The following MED16 variants were observed in gnomAD, a reference collection of about 807,000 sequenced individuals.
MED16 encodes the protein mediator complex subunit 16, also known as mediator of RNA polymerase II transcription subunit 16.
A neutral mutation model predicts 84.4 loss-of-function variants in MED16; 81 were observed. The ratio of observed to expected loss-of-function variants is 0.96; its 90% confidence interval spans 0.80 to 1.15. MED16 has a LOEUF of 1.15. Among genes scored for constraint, MED16 ranks in the 50% most tolerant of loss-of-function variants. The pLI is 0.00. For synonymous variants in MED16, 897 were observed against 552.2 expected (o/e 1.62, Z -8.76); for missense variants, 1,585 against 1,245.9 (o/e 1.27, Z -4.10).
chr19:872,725 T>C (rs112509997), intron 11 of MED16, among the ~76,000 whole-genome samples: 129 of 150,870 alleles, frequency 8.6e-4, no homozygotes, highest in African/African-American at 3.0e-3. Context: ...GAGGTGTGGA[T>C]GGAGACTTGA....
chr19:880,178 G>C (rs529137163), intron 7 of MED16, 30 bp from the exon 8 acceptor site: 1 of 1,588,202 alleles, frequency 6.3e-7, no homozygotes, highest in Admixed American at 1.8e-5. Context: ...CTTAGACATG[G>C]GCAGGGCCCA....
At chr19:871,646 T>C (rs372151569) in intron 12 of MED16, 21 of 1,588,664 alleles carry the variant, frequency 1.3e-5, no homozygotes, top group African/African-American at 1.1e-4. Context: ...ACACAGAGCA[T>C]GGACCTGTGC....
chr19:871,538 G>A (rs1472669997), intron 12 of MED16: 33 of 1,578,134 alleles, frequency 2.1e-5, no homozygotes, highest in East Asian at 4.6e-5. Context: ...ACACTGGGAT[G>A]TAAGAATGAC....
chr19:875,215 C>T (rs368482672), intron 10 of MED16, 29 bp downstream of exon 10: 244 of 1,453,482 alleles, frequency 1.7e-4, no homozygotes, highest in Non-Finnish European at 2.1e-4. Flanking sequence ...AAAGAAACCT[C>T]GAGGCCCCGG....
In MED16 at chr19:875,368, G is replaced by A. The variant is rs773351916; in HGVS notation, c.1647C>T (p.Thr549=). 8 of 1,609,878 alleles carry A rather than the reference G, an allele frequency of 5.0e-6. No homozygotes were observed. Among genetic ancestry groups the A allele is most frequent in the Non-Finnish European group, 5.9e-6 (7 of 1,179,784 alleles). ...CTVTRVCDYH[T]KLFLIAISST... is the part of the protein sequence containing the mutation. The stretch of plus-strand genomic sequence containing the variant: ...AGCTGATGGCGATGAGGAAGAGCTT[G>A]GTGTGGTAGTCGCACACGCGGGTCA... Residue 549 remains threonine (T), a synonymous_variant, in exon 10 of 16, where the codon ACC becomes ACT. Transcript: ENST00000325464.
intron 8 of MED16, among the ~76,000 whole-genome samples, chr19:878,161 G>A (rs866363286): frequency 8.0e-6 from 1 of 124,892 alleles, no homozygotes; most frequent in Non-Finnish European, 1.6e-5. Flanking sequence ...ACCTTCCCGT[G>A]GTTGTCAATG....
intron 3 of MED16, 128 bp from the exon 4 acceptor site, chr19:889,935 G>A (rs1568333884): frequency 2.7e-5 from 31 of 1,129,128 alleles, no homozygotes; most frequent in Non-Finnish European, 3.3e-5. Flanking sequence ...CACAGCAGGT[G>A]GCACAAGGCG....
chr19:870,953 G>C (rs1055785826), intron 13 of MED16, 84 bp downstream of exon 13: 1 of 1,352,132 alleles, frequency 7.4e-7, no homozygotes, highest in Admixed American at 2.2e-5. Flanking sequence ...ATGCAGGGAG[G>C]GAGCCGTGTG....
chr19:872,302 C>A (rs1199764432), intron 11 of MED16, among the ~76,000 whole-genome samples, 184 bp from the exon 12 acceptor site: 1 of 151,974 alleles, frequency 6.6e-6, no homozygotes, highest in Non-Finnish European at 1.5e-5. Context: ...TGCTCAGAGC[C>A]CTGCAGGGCC....
At chr19:885,457 G>A (rs2036506073) in intron 5 of MED16, among the ~76,000 whole-genome samples, 1 of 152,146 alleles carries the variant, frequency 6.6e-6, no homozygotes, top group Non-Finnish European at 1.5e-5. Flanking sequence ...GCACGTTGGG[G>A]GGGGTCCGGG....
In MED16 at chr19:872,220, C is replaced by T. The variant is rs957052045; in HGVS notation, c.1906-102G>A. On this transcript the variant is annotated intron_variant, in intron 11 of 15. Transcript: ENST00000325464. ...GGAACCCCGACCGGGGGGCAATGGGCAGGGTCTGGGACATTTGTGGTGGTC... is the reference window on the plus strand; with the variant it reads ...GGAACCCCGACCGGGGGGCAATGGGTAGGGTCTGGGACATTTGTGGTGGTC... 6.2e-6 allele frequency: 6 copies of T among 968,690 alleles called. No individual in the cohort carries two copies. In the African/African-American group the frequency reaches 8.2e-5, roughly 13 times the overall value. 60.0% of individuals were successfully genotyped at this position (968,690 alleles called of 1,614,324 possible).
chr19:889,094 C>G (rs1168490198), intron 4 of MED16, among the ~76,000 whole-genome samples: 11 of 131,676 alleles, frequency 8.4e-5, no homozygotes, highest in Non-Finnish European at 3.2e-5. Context: ...TGTCCCCAAC[C>G]CTGGCCACGC....
intron 12 of MED16, chr19:871,464 T>C: frequency 7.0e-7 from 1 of 1,431,980 alleles, no homozygotes; most frequent in South Asian, 1.3e-5. Context: ...TCCCCGTCTC[T>C]GGCCTGTCAT....
rs543545764 is a variant in MED16 at position 885,960 on chromosome 19, G to A, written c.689C>T (p.Thr230Met). ...FTGGGNIVVA[T>M]ADGSSASPVQ... Reference sequence around the variant, plus strand: ...GGGCGACGCGCTGCTGCCGTCCGCCGTGGCCACCACGATGTTGCCGCCGCC... The same window carrying A: ...GGGCGACGCGCTGCTGCCGTCCGCCATGGCCACCACGATGTTGCCGCCGCC... The change falls in exon 5 of 16, where the codon ACG becomes ATG. Residue 230 changes from threonine to methionine, a missense_variant. Thr to Met is a moderately conservative substitution (Grantham distance 81). Transcript: ENST00000325464. The A allele has an allele frequency of 1.7e-5, 28 of 1,612,270 alleles. No homozygotes were observed. The Admixed American group carries it at 2.0e-4, about 12-fold the overall frequency.
chr19:875,096 G>A (rs1269920430), intron 10 of MED16, 148 bp downstream of exon 10: 16 of 499,428 alleles, frequency 3.2e-5, no homozygotes, highest in Admixed American at 1.6e-4. Flanking sequence ...CCAGAGAGGC[G>A]GAGGCTGCAG....
chr19:868,603 TCA>T (rs2035972539), intron 14 of MED16, 104 bp from the exon 15 acceptor site: 1 of 1,444,270 alleles, frequency 6.9e-7, no homozygotes, highest in South Asian at 1.2e-5. Flanking sequence ...TCGCCGTCCC[TCA>T]CGCCTGCTCC....
intron 2 of MED16, 51 bp from the exon 3 acceptor site, chr19:890,295 G>C: frequency 7.9e-7 from 1 of 1,260,836 alleles, no homozygotes; most frequent in Non-Finnish European, 1.1e-6. Context: ...GCCTGCAGAC[G>C]ATGACGATGA....
At chr19:868,731 C>G (rs2035975650) in intron 14 of MED16, 132 bp downstream of exon 14, 1 of 1,126,144 alleles carries the variant, frequency 8.9e-7, no homozygotes, top group South Asian at 1.5e-5. Flanking sequence ...GGGATCCTGG[C>G]TCCAACACTC....
At chr19:891,581 C>T (rs1375247385) in intron 1 of MED16, among the ~76,000 whole-genome samples, 3 of 151,462 alleles carry the variant, frequency 2.0e-5, no homozygotes, top group East Asian at 3.9e-4. Context: ...TCCCTGTAGC[C>T]GAGGCGGGGC....
Sources: allele counts gnomAD v4.1 joint callset (sites outside exome capture counted in the v4.1 genomes callset), GRCh38; gene constraint gnomAD v4.1.1; transcripts MANE v1.5; gene names NCBI Gene and HGNC (gene_info 2026-07-23, HGNC 2026-07-21).